Variants in TLK2 observed in about 807,000 individuals in gnomAD.
TLK2 encodes serine/threonine-protein kinase tousled-like 2.
In TLK2, 6 loss-of-function variants were observed where a neutral mutation model predicts 117.3. The ratio of observed to expected loss-of-function variants is 0.05; its 90% CI spans 0.03 to 0.10. TLK2 has a LOEUF of 0.10. Ranked by LOEUF, TLK2 falls within the 10% of genes least tolerant of loss-of-function variation. TLK2 has a pLI of 1.00. For synonymous variants in TLK2, 257 were observed against 316.7 expected (o/e 0.81, Z 2.00); for missense variants, 299 against 901.2 (o/e 0.33, Z 8.56).
At chr17:62,593,491 T>A (rs1209987277) in intron 16 of TLK2, among the ~76,000 whole-genome samples, 1 of 152,218 alleles carries the variant, frequency 6.6e-6, no homozygotes, top group Non-Finnish European at 1.5e-5. Context: ...TTTTCTTTCC[T>A]TGTATCCTTA....
Position 62,583,985 on chromosome 17 carries a change from G to C in TLK2, c.1369-2150G>C, listed in dbSNP as rs147730835. 9.9e-5 allele frequency among the ~76,000 whole-genome samples: 15 copies of C among 152,014 alleles called. 1 individual carries two copies. The East Asian group carries it at 2.9e-3, about 29-fold the overall frequency. On this transcript the variant is annotated intron_variant, in intron 15 of 21. Coordinates refer to ENST00000346027, the MANE Select transcript of TLK2 (RefSeq NM_006852.6). Reference sequence around the variant, plus strand: ...CTCCACAATCCTTTCTTAAGTCAGTGGTAGGTCACAGTGTCTTGGATTTAG... The same window carrying C: ...CTCCACAATCCTTTCTTAAGTCAGTCGTAGGTCACAGTGTCTTGGATTTAG...
chr17:62,612,530 A>G lies in TLK2; in HGVS notation c.2218A>G (p.Thr740Ala). 1 of 1,613,796 alleles carries G rather than the reference A, an allele frequency of 6.2e-7. No individual in the cohort carries two copies. Among genetic ancestry groups the G allele is most frequent in the Admixed American group, 1.7e-5 (1 of 59,942 alleles). The change falls in exon 22 of 22, where the codon ACC (threonine) becomes GCC (alanine). Residue 740 changes from threonine (T) to alanine (A), a missense_variant. By Grantham distance (58) the Thr-to-Ala change is moderately conservative. Around this residue, in one of 4 missense-constraint regions of TLK2, gnomAD observed 19 missense variants for 29.2 expected, o/e 0.65. Transcript: ENST00000346027. ...CCCTGCTGGAGCTGCTATTGCATCA[A>G]CCTCTGGGGCGTCCAATAACAGTTC... Reference protein sequence around the residue: ...SSPAGAAIASTSGASNNSSSN With the variant: ...SSPAGAAIASASGASNNSSSN
chr17:62,534,811 A>G (rs990949694), intron 6 of TLK2, among the ~76,000 whole-genome samples: 1 of 150,780 alleles, frequency 6.6e-6, no homozygotes, highest in Non-Finnish European at 1.5e-5. Context: ...CAGTCTTAGC[A>G]CCATTAATTA....
At chr17:62,507,619 C>T (rs143468077) in intron 2 of TLK2, among the ~76,000 whole-genome samples, 185 of 152,168 alleles carry the variant, frequency 1.2e-3, no homozygotes, top group African/African-American at 4.3e-3. Context: ...TTTAAGCAGC[C>T]AATTTGGTCT....
chr17:62,477,872 T>G (rs558911293), upstream of TLK2: 1 of 152,320 alleles, frequency 6.6e-6, no homozygotes, highest in African/African-American at 2.4e-5. Flanking sequence ...GCGTGTTTTC[T>G]CCATCTTGGC....
chr17:62,501,375 A>G (rs2074181181), intron 2 of TLK2, among the ~76,000 whole-genome samples: 1 of 152,216 alleles, frequency 6.6e-6, no homozygotes, highest in Non-Finnish European at 1.5e-5. Context: ...GTGACCTAAC[A>G]TTTTGCCTTA....
intron 16 of TLK2, among the ~76,000 whole-genome samples, chr17:62,586,731 G>C (rs1358961392): frequency 6.6e-6 from 1 of 151,834 alleles, no homozygotes; most frequent in African/African-American, 2.4e-5. Flanking sequence ...TGAGGTAGGA[G>C]AATGGCGTGA....
rs1454851351 is a variant in TLK2 at position 62,560,040 on chromosome 17, A to T, written c.745A>T (p.Ile249Phe). ...LRANCDLRRQ[I>F]DEQQKMLEKY... is the part of the protein sequence containing the mutation. Reference sequence around the variant, plus strand: ...GGCCAACTGTGATTTGAGACGGCAGATTGATGAACAGCAAAAGATGCTAGA... The same window carrying T: ...GGCCAACTGTGATTTGAGACGGCAGTTTGATGAACAGCAAAAGATGCTAGA... Residue 249 changes from isoleucine (I) to phenylalanine (F), a missense_variant, in exon 10 of 22, where the codon ATT becomes TTT. This residue lies in a region of TLK2 where 94 missense variants were observed against 282.6 expected (regional missense o/e 0.33). Coordinates refer to ENST00000346027, the MANE Select transcript of TLK2 (RefSeq NM_006852.6). The T allele has an allele frequency of 6.2e-6, 10 of 1,610,382 alleles. No homozygotes were observed. The highest frequency in any genetic ancestry group is 8.5e-6 in the Non-Finnish European group (10 of 1,178,226).
chr17:62,606,593 A>G (rs770227485), intron 20 of TLK2, among the ~76,000 whole-genome samples: 3 of 152,216 alleles, frequency 2.0e-5, no homozygotes, highest in Non-Finnish European at 4.4e-5. Context: ...GGGGGCCCCA[A>G]GAACCAAAAC....
intron 1 of TLK2, among the ~76,000 whole-genome samples, chr17:62,471,846 T>C (rs550749331): frequency 2.9e-4 from 42 of 142,848 alleles, no homozygotes; most frequent in Non-Finnish European, 1.5e-4. Context: ...TTTTGTCTAT[T>C]AACGTGGAAA....
chr17:62,536,661 T>C (rs1413147426), intron 7 of TLK2, among the ~76,000 whole-genome samples: 1 of 151,974 alleles, frequency 6.6e-6, no homozygotes, highest in Non-Finnish European at 1.5e-5. Flanking sequence ...AACCAAGATA[T>C]AATTAAAAAT....
chr17:62,514,896 G>C lies in TLK2; in HGVS notation c.82-5877G>C, dbSNP rs987740492. ...GCCCAGCCCTGAGCCACCGTGCCCG[G>C]CCCACCATCTTAACCATTTTTAAGT... On this transcript the variant is annotated intron_variant, in intron 2 of 21. Coordinates refer to ENST00000346027, the MANE Select transcript of TLK2 (RefSeq NM_006852.6). Among the ~76,000 whole-genome samples, 3 of 152,098 alleles carry C rather than the reference G, an allele frequency of 2.0e-5. No homozygotes were observed. The East Asian group carries it at 5.8e-4, about 29-fold the overall frequency.
intron 21 of TLK2, among the ~76,000 whole-genome samples, chr17:62,610,676 A>AT (rs1223910183): frequency 2.6e-5 from 4 of 152,182 alleles, no homozygotes; most frequent in Admixed American, 2.6e-4. Flanking sequence ...AGAAGCTCAG[A>AT]TGTGAGAATG....
upstream of TLK2, chr17:62,478,103 C>T (rs1381947513): frequency 1.3e-5 from 2 of 151,922 alleles, no homozygotes; most frequent in Admixed American, 1.3e-4. Flanking sequence ...GAGTGCAGCC[C>T]GCCCTCCCGG....
At chr17:62,540,048 CTCT>C (rs1355315207) in intron 7 of TLK2, among the ~76,000 whole-genome samples, 17 of 151,542 alleles carry the variant, frequency 1.1e-4, no homozygotes, top group Non-Finnish European at 2.1e-4. Flanking sequence ...CCTCCTCCTC[CTCT>C]TCCTCTTCTT....
chr17:62,562,296 A>T (rs546389531), intron 10 of TLK2, among the ~76,000 whole-genome samples: 1 of 152,270 alleles, frequency 6.6e-6, no homozygotes, highest in Admixed American at 6.5e-5. Flanking sequence ...GGAGGCGGAG[A>T]TTGCAGTGAG....
chr17:62,482,439 C>T (rs2071780304), intron 2 of TLK2, among the ~76,000 whole-genome samples: 1 of 146,524 alleles, frequency 6.8e-6, no homozygotes, highest in Non-Finnish European at 1.5e-5. Context: ...GCCGGGATAG[C>T]TTGATAGGGT....
intron 11 of TLK2, among the ~76,000 whole-genome samples, chr17:62,567,969 T>A (rs557187546): frequency 6.6e-6 from 1 of 152,312 alleles, no homozygotes; most frequent in South Asian, 2.1e-4. Context: ...TGTTTGAATC[T>A]TTTGAAAAAG....
chr17:62,568,677 C>T (rs1161003384), intron 11 of TLK2, among the ~76,000 whole-genome samples: 1 of 151,774 alleles, frequency 6.6e-6, no homozygotes, highest in Non-Finnish European at 1.5e-5. Flanking sequence ...CTCTGCCTCC[C>T]GAGTTCAAGT....
Sources: allele counts gnomAD v4.1 joint callset (sites outside exome capture counted in the v4.1 genomes callset), GRCh38; gene constraint gnomAD v4.1.1; regional missense constraint gnomAD v4.1.1; transcripts MANE v1.5; gene names NCBI Gene and HGNC (gene_info 2026-07-23, HGNC 2026-07-21).